AFF4: variants seen among roughly 807,000 people sequenced by gnomAD.
The protein encoded by AFF4 is ALF transcription elongation factor 4.
AFF4 carries 13 observed loss-of-function variants against 124.8 expected under a neutral mutation model. The ratio of observed to expected loss-of-function variants is 0.10; its 90% CI spans 0.07 to 0.17. The LOEUF is 0.17. Among genes scored for constraint, AFF4 ranks in the 10% least tolerant of loss-of-function variants. The pLI, the probability that AFF4 is intolerant of heterozygous loss-of-function variation, is 1.00. For missense variants in AFF4, 1,092 were observed against 1,403.8 expected, an observed-to-expected ratio of 0.78 and a Z score of 3.55; for synonymous variants, 477 against 496.1, an observed-to-expected ratio of 0.96 and a Z score of 0.51.
At position 132,914,600 on chromosome 5, in the gene AFF4, C is replaced by CAA. The variant is rs1277484764; in HGVS notation, c.1051-10198_1051-10197dup. ...TGGGAGACAGAGCAAGACTCCATTT[C>CAA]AAAAAAAAAAAAGAAGAACAAATTA... is the stretch of plus-strand genomic sequence containing the variant. On this transcript the variant is annotated intron_variant, in intron 5 of 20. Transcript: ENST00000265343. Among the ~76,000 whole-genome samples the CAA allele has an allele frequency of 2.6e-3, 339 of 128,378 alleles. 2 individuals are homozygous for CAA. The highest frequency in any genetic ancestry group is 9.0e-3 in the African/African-American group (312 of 34,828). 84.2% of individuals were successfully genotyped at this position (128,378 alleles called of 152,430 possible). A position where few individuals can be genotyped will look rare whatever the true frequency, so the allele number is the denominator to read the frequency against.
intron 11 of AFF4, among the ~76,000 whole-genome samples, chr5:132,894,823 G>T (rs772783451): frequency 6.6e-6 from 1 of 151,872 alleles, no homozygotes; most frequent in African/African-American, 2.4e-5. Flanking sequence ...GTGTGGGGTC[G>T]CATGCCTGTA....
chr5:132,879,786 C>T lies in AFF4; in HGVS notation c.*1273G>A. ...TCTTTAAGCTCTACCCCTGGCTCCA[C>T]TCCCTGTCCCAAGAGCTCACACTGA... On this transcript the variant is annotated 3_prime_UTR_variant, in exon 21 of 21. Coordinates refer to ENST00000265343, the MANE Select transcript of AFF4 (RefSeq NM_014423.4). 1 of 224,752 alleles carries T rather than the reference C, an allele frequency of 4.4e-6. No individual in the cohort carries two copies. Among genetic ancestry groups the T allele is most frequent in the Non-Finnish European group, 8.9e-6 (1 of 112,870 alleles). The allele number at this position is 224,752 out of a possible 1,614,324, so 13.9% of individuals were successfully genotyped here.
At chr5:132,942,676 C>A (rs2150105008) in intron 1 of AFF4, among the ~76,000 whole-genome samples, 1 of 152,284 alleles carries the variant, frequency 6.6e-6, no homozygotes, top group African/African-American at 2.4e-5. Context: ...GTTGGTCAGG[C>A]TAGTCTCAAA....
In AFF4 at chr5:132,880,046, C is replaced by G; in HGVS notation, c.*1013G>C. 1 of 394,376 alleles carries G rather than the reference C, an allele frequency of 2.5e-6. No individual in the cohort carries two copies. 24.4% of individuals were successfully genotyped at this position (394,376 alleles called of 1,614,324 possible). A position where few individuals can be genotyped will look rare whatever the true frequency, so the allele number is the denominator to read the frequency against. On this transcript the variant is annotated 3_prime_UTR_variant, in exon 21 of 21. Transcript: ENST00000265343. ...CATGCTCATATCAGAGCATCACAATCCAGTATGAGGGGGAAAAATCTGAAA... is the reference window on the plus strand; with the variant it reads ...CATGCTCATATCAGAGCATCACAATGCAGTATGAGGGGGAAAAATCTGAAA...
chr5:132,923,037 G>C (rs748561683), intron 5 of AFF4, among the ~76,000 whole-genome samples: 6 of 151,910 alleles, frequency 3.9e-5, no homozygotes, highest in African/African-American at 1.5e-4. Context: ...GTAGCCGGGC[G>C]TGGTGGTGCG....
rs1348684337 is a variant in AFF4, at chr5:132,915,395, G to A, written c.1051-10991C>T. Among the ~76,000 whole-genome samples the A allele has an allele frequency of 4.6e-5, 7 of 151,806 alleles. No individual in the cohort carries two copies. In the South Asian group the frequency reaches 8.3e-4, roughly 18 times the overall value. ...TTCTATACACACTATTCCAGAAAAT[G>A]GAAGGGGAAGCAATTATTTCCCAAT... is the stretch of plus-strand genomic sequence containing the variant. On this transcript the variant is annotated intron_variant, in intron 5 of 20. Transcript: ENST00000265343.
intron 20 of AFF4, among the ~76,000 whole-genome samples, chr5:132,881,471 G>A (rs914877693): frequency 7.2e-5 from 11 of 152,276 alleles, no homozygotes; most frequent in African/African-American, 2.6e-4. Flanking sequence ...TTATGCAGTA[G>A]ATATTATTAA....
intron 20 of AFF4, among the ~76,000 whole-genome samples, chr5:132,881,622 AGATTAT>A (rs1300782326): frequency 2.6e-5 from 4 of 152,222 alleles, no homozygotes; most frequent in Admixed American, 6.5e-5. Flanking sequence ...TAGACACTTA[AGATTAT>A]ATCAAACTTT....
intron 1 of AFF4, among the ~76,000 whole-genome samples, chr5:132,954,546 C>CT (rs1204231856): frequency 0.22 from 26,744 of 122,050 alleles, 4,194 homozygotes; most frequent in African/African-American, 0.39. Flanking sequence ...AAACAATGCT[C>CT]TTTTTTTTTT....
chr5:132,940,753 G>A (rs557998705), intron 1 of AFF4, among the ~76,000 whole-genome samples: 3 of 152,238 alleles, frequency 2.0e-5, no homozygotes, highest in South Asian at 2.1e-4. Flanking sequence ...TAGGTCGGGT[G>A]CTGTGGCTCA....
At chr5:132,937,315 G>A in intron 1 of AFF4, 122 bp from the exon 2 acceptor site, 2 of 1,208,686 alleles carry the variant, frequency 1.7e-6, no homozygotes, top group African/African-American at 1.5e-5. Flanking sequence ...AGTAATAACA[G>A]GCATTAGTGC....
intron 4 of AFF4, among the ~76,000 whole-genome samples, chr5:132,929,713 G>A (rs1761257665): frequency 6.6e-6 from 1 of 152,196 alleles, no homozygotes; most frequent in Admixed American, 6.5e-5. Context: ...AGTAATGAGA[G>A]AGGTTAGGAT....
In AFF4 at chr5:132,892,247, T is replaced by A; in HGVS notation, c.2554A>T (p.Ser852Cys). 1 of 1,614,152 alleles carries A rather than the reference T, an allele frequency of 6.2e-7. No homozygotes were observed. Among genetic ancestry groups the A allele is most frequent in the South Asian group, 1.1e-5 (1 of 91,084 alleles). Residue 852 changes from serine (S) to cysteine (C), a missense_variant, in exon 13 of 21, where the codon AGT (serine) becomes TGT (cysteine). By Grantham distance (112) the Ser-to-Cys change is moderately radical (BLOSUM62 -1). This residue lies in a region of AFF4 where 293 missense variants were observed against 280.2 expected (regional missense o/e 1.05). Transcript: ENST00000265343. ...GAGGAACTGTTTTTGCTGCTGCCACTCGTCTCCTTGTTGCTGTTACTGCTT... is the reference window on the plus strand; with the variant it reads ...GAGGAACTGTTTTTGCTGCTGCCACACGTCTCCTTGTTGCTGTTACTGCTT... ...KSSSNSNKET[S>C]GSSKNSSSTS...
At chr5:132,902,204 C>G (rs772158390) in intron 7 of AFF4, among the ~76,000 whole-genome samples, 1 of 152,044 alleles carries the variant, frequency 6.6e-6, no homozygotes, top group Non-Finnish European at 1.5e-5. Context: ...CTCGCCACCA[C>G]GCCTGGCTAA....
intron 5 of AFF4, among the ~76,000 whole-genome samples, chr5:132,922,765 C>G (rs1397570582): frequency 3.1e-5 from 4 of 129,828 alleles, no homozygotes; most frequent in African/African-American, 1.2e-4. Context: ...GGCGGTAGAG[C>G]GAGACTCCAT....
At chr5:132,912,022 A>G (rs1265189116) in intron 5 of AFF4, among the ~76,000 whole-genome samples, 1 of 152,094 alleles carries the variant, frequency 6.6e-6, no homozygotes, top group South Asian at 2.1e-4. Flanking sequence ...GATTTTTTCA[A>G]AGTACTAAAA....
chr5:132,917,261 C>T (rs1760934462), intron 5 of AFF4, among the ~76,000 whole-genome samples: 1 of 151,260 alleles, frequency 6.6e-6, no homozygotes, highest in Non-Finnish European at 1.5e-5. Flanking sequence ...CAAATCAAAA[C>T]AGGAAAATCT....
chr5:132,952,723 G>C (rs1046391837), intron 1 of AFF4, among the ~76,000 whole-genome samples: 1 of 152,084 alleles, frequency 6.6e-6, no homozygotes, highest in Non-Finnish European at 1.5e-5. Context: ...GCGAAACTCC[G>C]TCTCTGCTAA....
At chr5:132,954,930 T>C (rs538324713) in intron 1 of AFF4, among the ~76,000 whole-genome samples, 1 of 152,300 alleles carries the variant, frequency 6.6e-6, no homozygotes, top group African/African-American at 2.4e-5. Flanking sequence ...GCCTTTCACA[T>C]CCTGCCCTCC....
Sources: gnomAD v4.1 joint callset for allele counts (sites outside exome capture counted in the v4.1 genomes callset) on GRCh38, gnomAD v4.1.1 for gene constraint, gnomAD v4.1.1 regional missense constraint, MANE v1.5 for transcripts, NCBI Gene and HGNC (gene_info 2026-07-23, HGNC 2026-07-21) for gene names.